Variants in SLC5A10 observed in about 807,000 individuals in gnomAD.
SLC5A10 encodes solute carrier family 5 member 10.
SLC5A10 carries 55 observed loss-of-function variants against 68.9 expected under a neutral mutation model. The ratio of observed to expected loss-of-function variants is 0.80; its 90% CI spans 0.64 to 1.00. The LOEUF (loss-of-function observed/expected upper bound fraction) is 1.00, where lower values mean the gene tolerates loss of function less well. Ranked by LOEUF, SLC5A10 falls within the 50% of genes least tolerant of loss-of-function variation. The probability of loss-of-function intolerance (pLI) is 0.00; values close to 1 mark genes in which losing one functional copy is unlikely to be tolerated. For synonymous variants in SLC5A10, 344 were observed against 344.8 expected, an observed-to-expected ratio of 1.00 and a Z score of 0.02; for missense variants, 732 against 819.3, an observed-to-expected ratio of 0.89 and a Z score of 1.30.
chr17:19,015,617 G>A (rs2044123453), intron 11 of SLC5A10, among the ~76,000 whole-genome samples: 1 of 152,222 alleles, frequency 6.6e-6, no homozygotes, highest in African/African-American at 2.4e-5. Context: ...GCCCTACTGA[G>A]CTCCAGCTTG....
intron 9 of SLC5A10, among the ~76,000 whole-genome samples, chr17:18,980,838 G>A (rs1392925359): frequency 6.6e-6 from 1 of 152,168 alleles, no homozygotes; most frequent in African/African-American, 2.4e-5. Context: ...GGAGGCCTGA[G>A]GTCAGGCAGG....
chr17:18,952,102 C>T (rs1021892640), upstream of SLC5A10: 10 of 1,485,290 alleles, frequency 6.7e-6, no homozygotes, highest in African/African-American at 5.6e-5. Flanking sequence ...TGCCACTGTC[C>T]GCTTGGTTTA....
At chr17:18,958,120 C>T (rs1396022792) in intron 1 of SLC5A10, among the ~76,000 whole-genome samples, 1 of 152,138 alleles carries the variant, frequency 6.6e-6, no homozygotes, top group Non-Finnish European at 1.5e-5. Context: ...GCCCAGGCTG[C>T]AGTGCAGTGG....
In SLC5A10 at chr17:19,003,721, G is replaced by A; in HGVS notation, c.983-9689G>A. On this transcript the variant is annotated intron_variant, in intron 9 of 14. Coordinates refer to ENST00000395645, the MANE Select transcript of SLC5A10 (RefSeq NM_001042450.4). This position sits in a 1 kb window ranked among gnomAD's most constrained non-coding sequence, Gnocchi z 4.5. ...AGGGCAGCGGCTCGGCCTCGATGGGGACCCCATCCGCCCCGCTGGCTTCCT... is the reference window on the plus strand; with the variant it reads ...AGGGCAGCGGCTCGGCCTCGATGGGAACCCCATCCGCCCCGCTGGCTTCCT... 2 of 1,605,262 alleles carry A rather than the reference G, an allele frequency of 1.2e-6. No homozygotes were observed. Among genetic ancestry groups the A allele is most frequent in the Non-Finnish European group, 1.7e-6 (2 of 1,175,880 alleles).
intron 9 of SLC5A10, 108 bp downstream of exon 9, chr17:18,977,097 T>C (rs1302336314): frequency 1.4e-6 from 2 of 1,471,168 alleles, no homozygotes; most frequent in South Asian, 1.3e-5. Flanking sequence ...ATGTGAACTG[T>C]TCCCCAACCT....
Position 19,003,880 on chromosome 17 carries a change from G to A in SLC5A10, c.983-9530G>A, listed in dbSNP as rs770189912. On this transcript the variant is annotated intron_variant, in intron 9 of 14. Coordinates refer to ENST00000395645, the MANE Select transcript of SLC5A10 (RefSeq NM_001042450.4). This position sits in a 1 kb window ranked among gnomAD's most constrained non-coding sequence, Gnocchi z 4.5. ...CCAGCTCCGAGAGGAAGTCTCGGAT[G>A]TTCTCCCGCTTGAGCACCTCGTAGA... 6.2e-7 allele frequency: 1 copy of A among 1,613,072 alleles called. No homozygotes were observed. Among genetic ancestry groups the A allele is most frequent in the Non-Finnish European group, 8.5e-7 (1 of 1,179,948 alleles).
chr17:18,959,516 A>G, intron 3 of SLC5A10, 88 bp from the exon 4 acceptor site: 1 of 1,426,370 alleles, frequency 7.0e-7, no homozygotes, highest in Non-Finnish European at 9.8e-7. Context: ...AGGCCTCCGG[A>G]TGGCTCATCC....
chr17:19,013,350 T>G, intron 9 of SLC5A10, 60 bp from the exon 10 acceptor site: 1 of 1,595,316 alleles, frequency 6.3e-7, no homozygotes, highest in Non-Finnish European at 8.5e-7. Flanking sequence ...AGCCCTATCT[T>G]GCCCACCCCA....
At chr17:18,969,766 G>A (rs1206998232) in intron 7 of SLC5A10, 2 of 279,210 alleles carry the variant, frequency 7.2e-6, no homozygotes, top group Non-Finnish European at 1.3e-5. Context: ...ACAACCAGGA[G>A]GCCATAAAAC....
In SLC5A10 at chr17:19,003,835, C is replaced by T. The variant is rs1407213453; in HGVS notation, c.983-9575C>T. The T allele has an allele frequency of 1.9e-6, 3 of 1,612,914 alleles. No homozygotes were observed. Among genetic ancestry groups the T allele is most frequent in the East Asian group, 4.5e-5 (2 of 44,852 alleles). ...AGCCCGGGTCGTACACCTCGATGGT[C>T]TCCAGGATGCGCTTGAGCTCCAGCT... On this transcript the variant is annotated intron_variant, in intron 9 of 14. Coordinates refer to ENST00000395645, the MANE Select transcript of SLC5A10 (RefSeq NM_001042450.4). The surrounding 1 kb of genome is among the most constrained non-coding windows in gnomAD (Gnocchi z 4.5).
intron 9 of SLC5A10, among the ~76,000 whole-genome samples, chr17:18,995,205 ATG>A (rs1158419900): frequency 6.6e-6 from 1 of 152,236 alleles, no homozygotes; most frequent in East Asian, 1.9e-4. Context: ...ACCGACACAG[ATG>A]TTAGAACTGG....
chr17:18,979,004 T>A, intron 9 of SLC5A10: 1 of 811,740 alleles, frequency 1.2e-6, no homozygotes, highest in Non-Finnish European at 1.9e-6. Context: ...TACTGTGGGG[T>A]CAGACTGAGT....
At chr17:18,952,733 CTGG>C (rs2042396392) in intron 1 of SLC5A10, among the ~76,000 whole-genome samples, 2 of 148,624 alleles carry the variant, frequency 1.3e-5, no homozygotes, top group Non-Finnish European at 3.0e-5. Flanking sequence ...AGGGAGGGCC[CTGG>C]GAACTGGGGG....
In SLC5A10 at chr17:18,972,893, C is replaced by A. The variant is rs907767970; in HGVS notation, c.846+1675C>A. Among the ~76,000 whole-genome samples the A allele has an allele frequency of 7.2e-5, 11 of 152,102 alleles. 1 individual carries two copies. Among genetic ancestry groups the A allele is most frequent in the Admixed American group, 3.9e-4 (6 of 15,260 alleles). On this transcript the variant is annotated intron_variant, in intron 8 of 14. Transcript: ENST00000395645. ...AAAAAAAAAAAAAAAAAGAACAGAC[C>A]CCAACTAGGAGCTATCAGAAGCTCT...
intron 1 of SLC5A10, among the ~76,000 whole-genome samples, chr17:18,955,017 C>T (rs1597808918): frequency 6.9e-6 from 1 of 145,954 alleles, no homozygotes; most frequent in Admixed American, 7.2e-5. Flanking sequence ...AACCGGAAGG[C>T]GGAGGTCGCA....
chr17:19,018,371 C>T lies in SLC5A10; in HGVS notation c.1242-1052C>T, dbSNP rs117456554. 2,600 of 152,538 alleles carry T rather than the reference C, an allele frequency of 0.017. 34 individuals are homozygous for T. Among genetic ancestry groups the T allele is most frequent in the Non-Finnish European group, 0.029 (1,963 of 68,200 alleles). 9.4% of individuals were successfully genotyped at this position (152,538 alleles called of 1,614,324 possible). On this transcript the variant is annotated intron_variant, in intron 11 of 14. Transcript: ENST00000395645. This position sits in a 1 kb window ranked among gnomAD's most constrained non-coding sequence, Gnocchi z 4.2. ...ATCCCCTTAGCTGGGTCCCATGCCCCTCAAGGCTCGGGGAGGGGGTGCCTC... is the reference window on the plus strand; with the variant it reads ...ATCCCCTTAGCTGGGTCCCATGCCCTTCAAGGCTCGGGGAGGGGGTGCCTC...
At chr17:18,983,548 T>TC (rs576019576) in intron 9 of SLC5A10, among the ~76,000 whole-genome samples, 521 of 152,290 alleles carry the variant, frequency 3.4e-3, no homozygotes, top group African/African-American at 0.012. Context: ...CAGAGATGCA[T>TC]CCTTGACCAG....
chr17:18,964,501 C>G (rs2042672808), intron 5 of SLC5A10, among the ~76,000 whole-genome samples: 1 of 152,168 alleles, frequency 6.6e-6, no homozygotes, highest in South Asian at 2.1e-4. Flanking sequence ...CCCCCCACAC[C>G]CATAGATGCT....
chr17:19,016,749 C>T (rs762650476), intron 11 of SLC5A10, among the ~76,000 whole-genome samples: 26 of 152,174 alleles, frequency 1.7e-4, no homozygotes, highest in Non-Finnish European at 1.9e-4. Context: ...CCCTTGACCA[C>T]TTCTCCCCCT....
Sources: gnomAD v4.1 joint callset for allele counts (sites outside exome capture counted in the v4.1 genomes callset) on GRCh38, gnomAD v4.1.1 for gene constraint, Gnocchi (gnomAD v3.1) non-coding constraint, MANE v1.5 for transcripts, NCBI Gene and HGNC (gene_info 2026-07-23, HGNC 2026-07-21) for gene names.